The following SLC7A2 variants were observed in gnomAD, a reference collection of about 807,000 sequenced individuals.
SLC7A2 encodes the protein solute carrier family 7 member 2.
In SLC7A2, 48 loss-of-function variants were observed where a neutral mutation model predicts 58.9. The observed-to-expected ratio is 0.82, with a 90% confidence interval of 0.65 to 1.04. The LOEUF (loss-of-function observed/expected upper bound fraction) is 1.04, where lower values mean the gene tolerates loss of function less well. SLC7A2 is among the 50% of genes least tolerant of loss of function. The pLI is 0.00. For synonymous variants in SLC7A2, 363 were observed against 314.5 expected, an observed-to-expected ratio of 1.15 and a Z score of -1.63; for missense variants, 1,029 against 818.8, an observed-to-expected ratio of 1.26 and a Z score of -3.13.
Position 17,548,687 on chromosome 8 carries a change from CT to C in SLC7A2, c.546del (p.Phe182LeufsTer3). 1 of 1,599,710 alleles carries C rather than the reference CT, an allele frequency of 6.3e-7. No individual in the cohort carries two copies. The highest frequency in any genetic ancestry group is 8.5e-7 in the Non-Finnish European group (1 of 1,175,538). ...CLILLLAGLL[S>X]FGVKESAWVN... ...TGCCCTTTTTCCATAGGTCTTTTGT[CT>C]TTTGGAGTAAAAGAGTCTGCTTGGG... On this transcript the variant is annotated frameshift_variant, in exon 5 of 13. Coordinates refer to ENST00000494857, the MANE Select transcript of SLC7A2 (RefSeq NM_001370338.1). LOFTEE classifies it high-confidence loss of function.
chr8:17,509,263 G>A (rs75820404), intron 2 of SLC7A2, among the ~76,000 whole-genome samples: 11,296 of 152,064 alleles, frequency 0.074, 510 homozygotes, highest in East Asian at 0.17. Flanking sequence ...TTCAAGAATT[G>A]GAAGAAAAGT....
chr8:17,536,409 AC>A (rs1275900004), intron 2 of SLC7A2, among the ~76,000 whole-genome samples: 1 of 152,168 alleles, frequency 6.6e-6, no homozygotes, highest in East Asian at 1.9e-4. Context: ...TACCAAAAAT[AC>A]AAAAAAGAAA....
chr8:17,501,539 T>A (rs1343450491), intron 1 of SLC7A2, among the ~76,000 whole-genome samples: 1 of 150,276 alleles, frequency 6.7e-6, no homozygotes, highest in African/African-American at 2.5e-5. Flanking sequence ...TTCAGAGACA[T>A]GTGGTCCCCT....
upstream of SLC7A2, among the ~76,000 whole-genome samples, chr8:17,494,412 G>A (rs551609607): frequency 6.6e-6 from 1 of 152,210 alleles, no homozygotes; most frequent in South Asian, 2.1e-4. Flanking sequence ...TGACTAAGTT[G>A]GATTTTCTGC....
intron 2 of SLC7A2, among the ~76,000 whole-genome samples, chr8:17,528,941 G>A (rs951146806): frequency 2.6e-5 from 4 of 152,134 alleles, no homozygotes; most frequent in African/African-American, 4.8e-5. Context: ...CAACATGGCC[G>A]CCTGTCGGGG....
intron 1 of SLC7A2, among the ~76,000 whole-genome samples, 198 bp from the exon 2 acceptor site, chr8:17,502,059 C>T (rs951949306): frequency 1.3e-5 from 2 of 151,508 alleles, no homozygotes; most frequent in African/African-American, 4.9e-5. Context: ...CCTAAGTCGT[C>T]CTACAATTAT....
chr8:17,561,197 A>G (rs1487669320), intron 10 of SLC7A2, among the ~76,000 whole-genome samples: 1 of 152,214 alleles, frequency 6.6e-6, no homozygotes, highest in Non-Finnish European at 1.5e-5. Flanking sequence ...AGCAGTCTGT[A>G]TTAGTCTGTT....
chr8:17,502,038 C>T (rs1800181282), intron 1 of SLC7A2, among the ~76,000 whole-genome samples: 1 of 151,922 alleles, frequency 6.6e-6, no homozygotes, highest in Admixed American at 6.6e-5. Flanking sequence ...ATTTTGGCTT[C>T]ATCAAGTCCT....
chr8:17,549,730 G>C (rs936916979), intron 5 of SLC7A2, among the ~76,000 whole-genome samples: 1 of 152,108 alleles, frequency 6.6e-6, no homozygotes, highest in African/African-American at 2.4e-5. Flanking sequence ...TGTTTTTCTT[G>C]ACAGAGGTTG....
At chr8:17,542,800 A>G (rs1801971266) in intron 2 of SLC7A2, among the ~76,000 whole-genome samples, 1 of 152,082 alleles carries the variant, frequency 6.6e-6, no homozygotes, top group Admixed American at 6.5e-5. Flanking sequence ...ATCCTTAGGA[A>G]ATTTTTAGCT....
chr8:17,497,029 G>GCCCCGCGCCCCGC (rs1407533892), upstream of SLC7A2: 1 of 150,338 alleles, frequency 6.7e-6, no homozygotes, highest in Non-Finnish European at 1.5e-5. Context: ...GTGCCGCCCG[G>GCCCCGCGCCCCGC]CCCCGCGCCC....
rs772435659 is a variant in SLC7A2 at position 17,555,073 on chromosome 8, G to A, written c.1195+374G>A. 1.1e-5 allele frequency: 18 copies of A among 1,613,778 alleles called. No individual in the cohort carries two copies. The East Asian group carries it at 3.3e-4, about 30-fold the overall frequency. ...AGTTGCTGCCACGTTGACTGCAGGG[G>A]TCATTTCTGGTAAGCTTTACAAACT... On this transcript the variant is annotated intron_variant, in intron 8 of 12. Coordinates refer to ENST00000494857, the MANE Select transcript of SLC7A2 (RefSeq NM_001370338.1).
intron 2 of SLC7A2, among the ~76,000 whole-genome samples, chr8:17,510,103 C>T (rs994227937): frequency 6.6e-6 from 1 of 151,988 alleles, no homozygotes; most frequent in Non-Finnish European, 1.5e-5. Context: ...GACTGTAATC[C>T]CAGCTACTTG....
chr8:17,548,702 A>G lies in SLC7A2; in HGVS notation c.557A>G (p.Glu186Gly), dbSNP rs762607144. The change falls in exon 5 of 13, where the codon GAG becomes GGG. Residue 186 changes from glutamate to glycine, a missense_variant. Physicochemically the swap from Glu to Gly is moderately conservative, Grantham distance 98 (BLOSUM62 -2). Coordinates refer to ENST00000494857, the MANE Select transcript of SLC7A2 (RefSeq NM_001370338.1). The stretch of plus-strand genomic sequence containing the variant: ...GGTCTTTTGTCTTTTGGAGTAAAAG[A>G]GTCTGCTTGGGTGAATAAAGTCTTC... ...LAGLLSFGVK[E>G]SAWVNKVFTA... The G allele has an allele frequency of 6.2e-7, 1 of 1,609,368 alleles. No homozygotes were observed. Among genetic ancestry groups the G allele is most frequent in the Admixed American group, 1.7e-5 (1 of 59,186 alleles).
chr8:17,502,653 G>C (rs1800210567), intron 2 of SLC7A2, among the ~76,000 whole-genome samples: 2 of 152,104 alleles, frequency 1.3e-5, no homozygotes, highest in Admixed American at 1.3e-4. Context: ...CTGAGAGGTT[G>C]GGTGGAGGGG....
intron 2 of SLC7A2, among the ~76,000 whole-genome samples, chr8:17,537,908 C>G (rs543102369): frequency 6.6e-6 from 1 of 152,284 alleles, no homozygotes; most frequent in South Asian, 2.1e-4. Context: ...GTTCCCCAAG[C>G]CTAAACACAA....
In SLC7A2 at chr8:17,551,684, G is replaced by A. The variant is rs569669581; in HGVS notation, c.833-80G>A. On this transcript the variant is annotated intron_variant, in intron 6 of 12. Transcript: ENST00000494857. ...CAGAGGAGAACTACCCTGGAGAAGA[G>A]GAAGAATTTCACACAATTTAATTTC... 8.7e-5 allele frequency: 90 copies of A among 1,035,726 alleles called. 1 individual carries two copies. In the South Asian group the frequency reaches 1.1e-3, roughly 13 times the overall value. 64.2% of individuals were successfully genotyped at this position (1,035,726 alleles called of 1,614,324 possible).
chr8:17,538,601 T>C (rs536853084), intron 2 of SLC7A2, among the ~76,000 whole-genome samples: 1 of 152,326 alleles, frequency 6.6e-6, no homozygotes, highest in South Asian at 2.1e-4. Flanking sequence ...GGCTATATCT[T>C]TTTCCTCTTT....
intron 12 of SLC7A2, among the ~76,000 whole-genome samples, chr8:17,563,987 C>T (rs578208008): frequency 6.6e-6 from 1 of 152,294 alleles, no homozygotes; most frequent in South Asian, 2.1e-4. Flanking sequence ...ACCCAAAACT[C>T]ACAACCAATT....
Sources: allele counts gnomAD v4.1 joint callset (sites outside exome capture counted in the v4.1 genomes callset), GRCh38; gene constraint gnomAD v4.1.1; transcripts MANE v1.5; gene names NCBI Gene and HGNC (gene_info 2026-07-23, HGNC 2026-07-21).